GRIP1: variants seen among roughly 807,000 people sequenced by gnomAD.
The protein encoded by GRIP1 is glutamate receptor-interacting protein 1.
In GRIP1, 45 loss-of-function variants were observed where a neutral mutation model predicts 129.9. The ratio of observed to expected loss-of-function variants is 0.35; its 90% CI spans 0.27 to 0.44. The LOEUF (loss-of-function observed/expected upper bound fraction) is 0.44, where lower values mean the gene tolerates loss of function less well. Among genes scored for constraint, GRIP1 ranks in the 20% least tolerant of loss-of-function variants. GRIP1 has a pLI of 1.00. For synonymous variants in GRIP1, 530 were observed against 520.8 expected (o/e 1.02, Z -0.24); for missense variants, 1,196 against 1,396.8 (o/e 0.86, Z 2.29).
At chr12:66,823,230 G>A (rs1398888658) in intron 1 of GRIP1, among the ~76,000 whole-genome samples, 1 of 152,116 alleles carries the variant, frequency 6.6e-6, no homozygotes, top group African/African-American at 2.4e-5. Context: ...CCTCAGACAT[G>A]TAAATATCTT....
intron 2 of GRIP1, among the ~76,000 whole-genome samples, chr12:66,555,264 T>C (rs1164682238): frequency 6.6e-6 from 1 of 152,170 alleles, no homozygotes; most frequent in African/African-American, 2.4e-5. Flanking sequence ...TACCTAGTAA[T>C]CCAGATAATT....
At chr12:66,972,221 G>T (rs191082449) in intron 1 of GRIP1, among the ~76,000 whole-genome samples, 3 of 152,300 alleles carry the variant, frequency 2.0e-5, no homozygotes, top group Admixed American at 2.0e-4. Context: ...TTCTGGGTAG[G>T]AAACTCTTCT....
chr12:66,368,049 GA>G (rs1043716297), intron 23 of GRIP1, among the ~76,000 whole-genome samples: 1 of 152,208 alleles, frequency 6.6e-6, no homozygotes, highest in Non-Finnish European at 1.5e-5. Flanking sequence ...AGAAGTGAGT[GA>G]AAACCCTTTA....
chr12:66,760,010 A>G (rs1257703940), intron 1 of GRIP1, among the ~76,000 whole-genome samples: 1 of 151,864 alleles, frequency 6.6e-6, no homozygotes, highest in Non-Finnish European at 1.5e-5. Context: ...ACCCACCACC[A>G]TGCCTGGCTA....
intron 1 of GRIP1, among the ~76,000 whole-genome samples, chr12:66,949,583 T>C (rs990815690): frequency 1.4e-4 from 22 of 152,142 alleles, no homozygotes; most frequent in African/African-American, 4.8e-4. Flanking sequence ...AGAAGAATGA[T>C]TTGTCTTATT....
intron 1 of GRIP1, among the ~76,000 whole-genome samples, chr12:66,621,785 C>T (rs1051990079): frequency 6.6e-6 from 1 of 152,090 alleles, no homozygotes; most frequent in Non-Finnish European, 1.5e-5. Flanking sequence ...TAATAGCCAT[C>T]CTAATGGATA....
At chr12:66,529,984 G>T in intron 4 of GRIP1, 70 bp from the exon 5 acceptor site, 2 of 954,890 alleles carry the variant, frequency 2.1e-6, no homozygotes, top group Non-Finnish European at 3.4e-6. Context: ...CATTCAATGT[G>T]GCATAAAATA....
chr12:66,619,070 G>A (rs976840832), intron 1 of GRIP1, among the ~76,000 whole-genome samples: 1 of 152,072 alleles, frequency 6.6e-6, no homozygotes, highest in African/African-American at 2.4e-5. Flanking sequence ...ACAGTTGTTT[G>A]AGGTCTTCTT....
At chr12:66,577,263 A>G (rs1294090068) in intron 2 of GRIP1, among the ~76,000 whole-genome samples, 1 of 152,064 alleles carries the variant, frequency 6.6e-6, no homozygotes, top group Non-Finnish European at 1.5e-5. Context: ...GGTTCAAGAT[A>G]AGAAACTTCA....
intron 1 of GRIP1, among the ~76,000 whole-genome samples, chr12:66,976,519 GTTTC>G (rs2042154170): frequency 6.6e-6 from 1 of 152,070 alleles, no homozygotes; most frequent in African/African-American, 2.4e-5. Flanking sequence ...CAAATGCCTT[GTTTC>G]TCCAACTAAA....
intron 2 of GRIP1, among the ~76,000 whole-genome samples, chr12:66,591,226 C>T (rs1195272832): frequency 2.0e-5 from 3 of 152,184 alleles, no homozygotes; most frequent in African/African-American, 7.2e-5. Flanking sequence ...ATTTGCAATG[C>T]TATCAGTCTT....
intron 1 of GRIP1, among the ~76,000 whole-genome samples, chr12:66,888,375 A>AAT: frequency 6.6e-6 from 1 of 151,246 alleles, no homozygotes; most frequent in South Asian, 2.1e-4. Flanking sequence ...ACTGACTTTT[A>AAT]TTAAGATAGA....
At chr12:66,753,210 A>G (rs2037183825) in intron 1 of GRIP1, among the ~76,000 whole-genome samples, 1 of 152,182 alleles carries the variant, frequency 6.6e-6, no homozygotes, top group South Asian at 2.1e-4. Context: ...AATTACTAGT[A>G]TTTACTAACA....
chr12:66,857,061 G>T (rs528369229), intron 1 of GRIP1, among the ~76,000 whole-genome samples: 1 of 151,952 alleles, frequency 6.6e-6, no homozygotes, highest in South Asian at 2.1e-4. Flanking sequence ...TGATGAGTTC[G>T]TGTCCTTTGT....
At chr12:67,036,153 T>A (rs147481451) in intron 1 of GRIP1, among the ~76,000 whole-genome samples, 1 of 152,150 alleles carries the variant, frequency 6.6e-6, no homozygotes, top group East Asian at 1.9e-4. Flanking sequence ...AGGTGATATA[T>A]CCAGAGTCTT....
At chr12:66,655,202 C>T (rs2033070170) in intron 1 of GRIP1, among the ~76,000 whole-genome samples, 1 of 152,206 alleles carries the variant, frequency 6.6e-6, no homozygotes, top group Non-Finnish European at 1.5e-5. Flanking sequence ...GGGTTGTTAT[C>T]CTCCTGCTGT....
chr12:66,499,480 CAAAT>C (rs1204043216), intron 7 of GRIP1, among the ~76,000 whole-genome samples: 1 of 152,104 alleles, frequency 6.6e-6, no homozygotes, highest in Non-Finnish European at 1.5e-5. Flanking sequence ...AACCAATAAA[CAAAT>C]AATATCTTTT....
intron 1 of GRIP1, among the ~76,000 whole-genome samples, chr12:66,800,390 C>G (rs888910243): frequency 6.6e-6 from 1 of 151,934 alleles, no homozygotes; most frequent in Non-Finnish European, 1.5e-5. Context: ...GATGCTAGCG[C>G]TGTACATGAG....
chr12:66,981,836 G>C (rs956004), intron 1 of GRIP1, among the ~76,000 whole-genome samples: 62,029 of 152,042 alleles, frequency 0.41, 13,654 homozygotes, highest in Non-Finnish European at 0.48. Flanking sequence ...TACATGGTGA[G>C]ACAGCCTACT....
Sources: allele counts gnomAD v4.1 joint callset (sites outside exome capture counted in the v4.1 genomes callset), GRCh38; gene constraint gnomAD v4.1.1; transcripts MANE v1.5; gene names NCBI Gene and HGNC (gene_info 2026-07-23, HGNC 2026-07-21).